The following MCM9 variants were observed in gnomAD, a reference collection of about 807,000 sequenced individuals.
MCM9 encodes DNA helicase MCM9.
MCM9 carries 55 observed loss-of-function variants against 72.8 expected under a neutral mutation model. The observed-to-expected ratio is 0.76, with a 90% CI of 0.61 to 0.95. The LOEUF is 0.95. Among genes scored for constraint, MCM9 ranks in the 40% least tolerant of loss-of-function variants. MCM9 has a pLI of 0.00. For synonymous variants in MCM9, 480 were observed against 503.4 expected, an observed-to-expected ratio of 0.95 and a Z score of 0.62; for missense variants, 1,279 against 1,377.0, an observed-to-expected ratio of 0.93 and a Z score of 1.13.
intron 8 of MCM9, chr6:118,900,910 C>T: frequency 6.9e-7 from 1 of 1,440,360 alleles, no homozygotes; most frequent in Non-Finnish European, 9.8e-7. Context: ...AATGTGTATG[C>T]CAAATATGTT....
chr6:118,907,142 G>A (rs763948362), intron 8 of MCM9, among the ~76,000 whole-genome samples: 42 of 152,138 alleles, frequency 2.8e-4, no homozygotes, highest in Non-Finnish European at 5.3e-4. Context: ...AAGTATAGGA[G>A]TTAAATAGTT....
chr6:118,843,684 A>ATGTGTGTGTG (rs1338079263), intron 9 of MCM9, among the ~76,000 whole-genome samples: 1 of 72,732 alleles, frequency 1.4e-5, no homozygotes, highest in African/African-American at 5.0e-5. Flanking sequence ...GTATATATAT[A>ATGTGTGTGTG]TGTGTATATA....
At chr6:118,916,080 C>T (rs1345093531) in intron 6 of MCM9, among the ~76,000 whole-genome samples, 4 of 151,836 alleles carry the variant, frequency 2.6e-5, no homozygotes, top group Admixed American at 1.3e-4. Flanking sequence ...TCAGGCTGTT[C>T]AGGCTGGGCA....
intron 1 of MCM9, among the ~76,000 whole-genome samples, chr6:118,933,079 C>A (rs879568893): frequency 6.6e-6 from 1 of 152,146 alleles, no homozygotes; most frequent in Non-Finnish European, 1.5e-5. Flanking sequence ...TAAAACGAAA[C>A]AGTGCACTAC....
chr6:118,873,234 AGGGAAAGGGAAG>A (rs1272583144), intron 8 of MCM9, among the ~76,000 whole-genome samples: 4 of 112,066 alleles, frequency 3.6e-5, no homozygotes, highest in African/African-American at 9.4e-5. Flanking sequence ...GGAAGGGGAA[AGGGAAAGGGAAG>A]GGGAAAGGGA....
Position 118,844,884 on chromosome 6 carries a change from T to A in MCM9, c.1325+11487A>T, listed in dbSNP as rs144475864. On this transcript the variant is annotated intron_variant, in intron 9 of 13. Coordinates refer to ENST00000619706, the MANE Select transcript of MCM9 (RefSeq NM_017696.3). Reference sequence around the variant, plus strand: ...TTCTTTAGTATATTTCTTAAGTGATTCTTTGTCTTCATTACAGTTCTGGAC... The same window carrying A: ...TTCTTTAGTATATTTCTTAAGTGATACTTTGTCTTCATTACAGTTCTGGAC... 1.8e-3 allele frequency among the ~76,000 whole-genome samples: 274 copies of A among 151,968 alleles called. 7 individuals are homozygous for A. Among genetic ancestry groups the A allele is most frequent in the African/African-American group, 6.4e-3 (264 of 41,228 alleles).
Position 118,814,827 on chromosome 6 carries a change from T to C in MCM9, c.3429A>G (p.Ser1143=), listed in dbSNP as rs1261179378. The C allele has an allele frequency of 5.4e-6, 8 of 1,492,072 alleles. No individual in the cohort carries two copies. The highest frequency in any genetic ancestry group is 7.1e-6 in the Non-Finnish European group (8 of 1,119,646). The allele number at this position is 1,492,072 out of a possible 1,614,324, so 92.4% of individuals were successfully genotyped here. A position where few individuals can be genotyped will look rare whatever the true frequency, so the allele number is the denominator to read the frequency against. Residue 1143 remains serine (S), a synonymous_variant, in exon 14 of 14, where the codon TCA becomes TCG. Transcript: ENST00000619706. Reference sequence around the variant, plus strand: ...TTGACCAGAAAGCTTTTCCCAACTATGACTTTTTTCTCATCTCTTCATCCC... The same window carrying C: ...TTGACCAGAAAGCTTTTCCCAACTACGACTTTTTTCTCATCTCTTCATCCC... ...CDWDEEMRKK[S]
At chr6:118,827,785 C>T (rs1260802394) in intron 11 of MCM9, 142 bp downstream of exon 11, 12 of 731,760 alleles carry the variant, frequency 1.6e-5, no homozygotes, top group Middle Eastern at 3.9e-4. Context: ...GATCTTCTGG[C>T]TCAGAGCCTT....
At chr6:118,906,323 T>C (rs1342818494) in intron 8 of MCM9, among the ~76,000 whole-genome samples, 3 of 152,184 alleles carry the variant, frequency 2.0e-5, no homozygotes, top group Non-Finnish European at 2.9e-5. Context: ...TCTGCCTACC[T>C]TGACCTCCCA....
chr6:118,922,869 C>A (rs1219979248), intron 4 of MCM9, among the ~76,000 whole-genome samples: 2 of 151,774 alleles, frequency 1.3e-5, no homozygotes, highest in African/African-American at 4.8e-5. Context: ...CCTGTCTCTA[C>A]TAAAAATACA....
At chr6:118,905,427 C>G (rs1236647553) in intron 8 of MCM9, among the ~76,000 whole-genome samples, 2 of 152,294 alleles carry the variant, frequency 1.3e-5, no homozygotes, top group East Asian at 3.9e-4. Flanking sequence ...TGTAGTCATG[C>G]TTTCAAGTAT....
chr6:118,828,097 A>G lies in MCM9; in HGVS notation c.1562T>C (p.Met521Thr). The G allele has an allele frequency of 1.9e-6, 3 of 1,550,550 alleles. No individual in the cohort carries two copies. Among genetic ancestry groups the G allele is most frequent in the Non-Finnish European group, 2.6e-6 (3 of 1,147,002 alleles). Reference protein sequence around the residue: ...YPSKSEKLWSMEKMKTYFCLI... With the variant: ...YPSKSEKLWSTEKMKTYFCLI... ...GCAGAAATAGGTTTTCATCTTTTCC[A>G]TGCTCCAGAGCTTCTCTGATTTGCT... Residue 521 changes from methionine (M) to threonine (T), a missense_variant, in exon 11 of 14, where the codon ATG becomes ACG. By Grantham distance (81) the Met-to-Thr change is moderately conservative. Transcript: ENST00000619706.
chr6:118,815,537 T>G lies in MCM9; in HGVS notation c.2719A>C (p.Ile907Leu), dbSNP rs561412771. Residue 907 changes from isoleucine to leucine, a missense_variant, in exon 14 of 14, where the codon ATT becomes CTT. Ile to Leu is a conservative substitution (Grantham distance 5). Transcript: ENST00000619706. ...GAACCTGGAGGCTTAACATTTTCAA[T>G]TGCAGGCTCTTCCACTTGCGCAAGG... is the stretch of plus-strand genomic sequence containing the variant. ...KSLAQVEEPAIENVKPPGSPV... is the reference protein window; with the variant it reads ...KSLAQVEEPALENVKPPGSPV... 6.5e-7 allele frequency: 1 copy of G among 1,548,408 alleles called. No individual in the cohort carries two copies. Among genetic ancestry groups the G allele is most frequent in the South Asian group, 1.2e-5 (1 of 83,550 alleles).
rs1777305780 is a variant in MCM9 at position 118,867,724 on chromosome 6, CAAT to C, written c.1151-11182_1151-11180del. ...CCATCTAGGGTTGTGTAAATACACT[CAAT>C]GATGTTCATACAATGACAAAATCAC... On this transcript the variant is annotated intron_variant, in intron 8 of 13. Coordinates refer to ENST00000619706, the MANE Select transcript of MCM9 (RefSeq NM_017696.3). 4.0e-5 allele frequency among the ~76,000 whole-genome samples: 6 copies of C among 151,888 alleles called. No individual in the cohort carries two copies. In the South Asian group the frequency reaches 1.2e-3, roughly 32 times the overall value.
intron 8 of MCM9, among the ~76,000 whole-genome samples, chr6:118,896,820 A>C (rs1333927613): frequency 1.4e-5 from 2 of 139,596 alleles, no homozygotes; most frequent in Non-Finnish European, 3.1e-5. Context: ...TTCTGTTCTT[A>C]AAATTAAACT....
chr6:118,852,501 G>T (rs1038644612), intron 9 of MCM9, among the ~76,000 whole-genome samples: 2 of 151,996 alleles, frequency 1.3e-5, no homozygotes, highest in African/African-American at 4.8e-5. Flanking sequence ...GATCATAAAT[G>T]GTATCGCCTC....
chr6:118,842,605 A>C (rs1157294065), intron 9 of MCM9, among the ~76,000 whole-genome samples: 1 of 152,278 alleles, frequency 6.6e-6, no homozygotes, highest in South Asian at 2.1e-4. Flanking sequence ...CTGCAGCCTC[A>C]ACCTCCTAGG....
intron 8 of MCM9, among the ~76,000 whole-genome samples, chr6:118,907,234 G>A (rs1485411440): frequency 2.0e-5 from 3 of 152,060 alleles, no homozygotes; most frequent in Non-Finnish European, 2.9e-5. Context: ...AGCCCTAGTC[G>A]TTACATCTTA....
intron 8 of MCM9, among the ~76,000 whole-genome samples, chr6:118,879,515 C>T (rs1778150889): frequency 6.6e-6 from 1 of 152,120 alleles, no homozygotes; most frequent in Non-Finnish European, 1.5e-5. Flanking sequence ...TGTGGCCTAG[C>T]TACCTGTTTT....
Sources: allele counts gnomAD v4.1 joint callset (sites outside exome capture counted in the v4.1 genomes callset), GRCh38; gene constraint gnomAD v4.1.1; transcripts MANE v1.5; gene names NCBI Gene and HGNC (gene_info 2026-07-23, HGNC 2026-07-21).